ANKRD6: variants seen among roughly 807,000 people sequenced by gnomAD.
ANKRD6 encodes ankyrin repeat domain 6.
ANKRD6 carries 56 observed loss-of-function variants against 82.3 expected under a neutral mutation model. The ratio of observed to expected loss-of-function variants is 0.68; its 90% CI spans 0.55 to 0.85. The LOEUF (loss-of-function observed/expected upper bound fraction) is 0.85. ANKRD6 is among the 40% of genes least tolerant of loss of function. The pLI, the probability that ANKRD6 is intolerant of heterozygous loss-of-function variation, is 0.00. For missense variants in ANKRD6, 852 were observed against 907.6 expected (o/e 0.94, Z 0.79); for synonymous variants, 347 against 352.1 (o/e 0.99, Z 0.16).
intron 2 of ANKRD6, among the ~76,000 whole-genome samples, chr6:89,583,756 T>C (rs1381583605): frequency 6.6e-6 from 1 of 152,276 alleles, no homozygotes; most frequent in Non-Finnish European, 1.5e-5. Flanking sequence ...TCACTGCCTA[T>C]GCAGAATTGC....
At chr6:89,554,685 G>T (rs1786330402) in intron 1 of ANKRD6, among the ~76,000 whole-genome samples, 1 of 152,162 alleles carries the variant, frequency 6.6e-6, no homozygotes, top group South Asian at 2.1e-4. Context: ...GTGACAGGCT[G>T]TGTGGTTGCA....
At chr6:89,558,941 TAAATG>T (rs1399289760) in intron 1 of ANKRD6, among the ~76,000 whole-genome samples, 2 of 151,862 alleles carry the variant, frequency 1.3e-5, no homozygotes, top group Non-Finnish European at 2.9e-5. Flanking sequence ...ATAGAAGAAA[TAAATG>T]AAGGAGGAAA....
chr6:89,434,574 T>G (rs1770385730), intron 1 of ANKRD6, among the ~76,000 whole-genome samples: 2 of 152,136 alleles, frequency 1.3e-5, no homozygotes, highest in South Asian at 2.1e-4. Flanking sequence ...TCTTCCCACC[T>G]CAGCCTGGGA....
chr6:89,560,070 G>T (rs1787177482), intron 1 of ANKRD6, among the ~76,000 whole-genome samples: 2 of 152,138 alleles, frequency 1.3e-5, no homozygotes, highest in South Asian at 4.1e-4. Context: ...TGACCAAAAC[G>T]GGGTTCCTGC....
chr6:89,445,747 T>C (rs951401527), intron 1 of ANKRD6, among the ~76,000 whole-genome samples: 2 of 151,622 alleles, frequency 1.3e-5, no homozygotes, highest in Non-Finnish European at 2.9e-5. Flanking sequence ...CCTGGCTCAA[T>C]TTTTGTATTT....
rs546727821 is a variant in ANKRD6 at position 89,599,785 on chromosome 6, T to C, written c.220-3244T>C. ...TGGTTACTTGAGAAGGGTGGGTTTT[T>C]CAAAGCCTGAGAAAGCGTATTGCCC... On this transcript the variant is annotated intron_variant, in intron 3 of 15. Transcript: ENST00000339746. Among the ~76,000 whole-genome samples the C allele has an allele frequency of 3.7e-4, 57 of 152,306 alleles. No individual in the cohort carries two copies. The South Asian group carries it at 0.011, about 30-fold the overall frequency.
chr6:89,522,926 T>C (rs1782051307), intron 1 of ANKRD6, among the ~76,000 whole-genome samples: 2 of 152,110 alleles, frequency 1.3e-5, no homozygotes, highest in Admixed American at 1.3e-4. Flanking sequence ...TCAATCCTCC[T>C]GAGACCCAGC....
At chr6:89,584,104 C>T (rs186233525) in intron 2 of ANKRD6, among the ~76,000 whole-genome samples, 9 of 152,176 alleles carry the variant, frequency 5.9e-5, no homozygotes, top group South Asian at 2.1e-4. Flanking sequence ...CCACTCTAGA[C>T]GAGACATTAT....
At chr6:89,570,251 G>C (rs1284277512) in intron 2 of ANKRD6, among the ~76,000 whole-genome samples, 1 of 152,028 alleles carries the variant, frequency 6.6e-6, no homozygotes, top group African/African-American at 2.4e-5. Flanking sequence ...TGTTAAGACA[G>C]GGTCTCCCTA....
intron 1 of ANKRD6, among the ~76,000 whole-genome samples, chr6:89,441,620 CTTTTTTTTTTTT>C (rs71556522): frequency 7.5e-5 from 6 of 80,458 alleles, no homozygotes; most frequent in East Asian, 4.1e-4. Context: ...CTTTTCTTTC[CTTTTTTTTTTTT>C]TTTTTTTTTT....
intron 1 of ANKRD6, among the ~76,000 whole-genome samples, chr6:89,543,092 A>T (rs1784621944): frequency 6.6e-6 from 1 of 152,220 alleles, no homozygotes; most frequent in Admixed American, 6.5e-5. Flanking sequence ...GATAGGATTT[A>T]GGTTGCCAAA....
intron 2 of ANKRD6, among the ~76,000 whole-genome samples, chr6:89,580,393 G>T (rs1792235215): frequency 6.6e-6 from 1 of 152,106 alleles, no homozygotes; most frequent in Admixed American, 6.5e-5. Flanking sequence ...AAAGAGAAAT[G>T]CAAAGAGTTC....
intron 7 of ANKRD6, among the ~76,000 whole-genome samples, chr6:89,614,252 C>T (rs1800936215): frequency 6.6e-6 from 1 of 152,146 alleles, no homozygotes; most frequent in African/African-American, 2.4e-5. Flanking sequence ...TGGCTCACAT[C>T]CCAGTACTTT....
At position 89,606,018 on chromosome 6, in the gene ANKRD6, A is replaced by G. The variant is rs1798509968; in HGVS notation, c.330A>G (p.Thr110=). The change falls in exon 5 of 16, where the codon ACA becomes ACG. Residue 110 remains threonine (T), a synonymous_variant. Transcript: ENST00000339746. ...TGTGTCTTCCTTAGGATGGGAATACAGCCTTGCATGAAGCATCCTGGCATG... is the reference window on the plus strand; with the variant it reads ...TGTGTCTTCCTTAGGATGGGAATACGGCCTTGCATGAAGCATCCTGGCATG... ...ALDRQDKDGN[T]ALHEASWHGF... is the part of the protein sequence containing the mutation. The G allele has an allele frequency of 6.3e-7, 1 of 1,593,230 alleles. No individual in the cohort carries two copies. Among genetic ancestry groups the G allele is most frequent in the African/African-American group, 1.3e-5 (1 of 74,730 alleles).
At chr6:89,453,780 TTTTTATTTTA>T (rs140606922) in intron 1 of ANKRD6, among the ~76,000 whole-genome samples, 378 of 149,742 alleles carry the variant, frequency 2.5e-3, no homozygotes, top group African/African-American at 8.6e-3. Flanking sequence ...TTATTTAATA[TTTTTATTTTA>T]TTTTATTTTA....
At chr6:89,571,449 T>G (rs1204767026) in intron 2 of ANKRD6, among the ~76,000 whole-genome samples, 1 of 152,202 alleles carries the variant, frequency 6.6e-6, no homozygotes, top group East Asian at 1.9e-4. Flanking sequence ...TGTATCATCT[T>G]TGGAGAAATG....
At chr6:89,628,544 C>T (rs1372062508) in intron 14 of ANKRD6, among the ~76,000 whole-genome samples, 5 of 152,156 alleles carry the variant, frequency 3.3e-5, no homozygotes, top group Non-Finnish European at 4.4e-5. Flanking sequence ...CCTAGGTGGG[C>T]GGATCACGAG....
intron 2 of ANKRD6, among the ~76,000 whole-genome samples, chr6:89,573,681 T>C (rs946100739): frequency 6.6e-6 from 1 of 152,244 alleles, no homozygotes; most frequent in African/African-American, 2.4e-5. Flanking sequence ...TATTCTACCC[T>C]CTTGCTTACG....
chr6:89,611,265 G>A (rs1245290225), intron 5 of ANKRD6, among the ~76,000 whole-genome samples: 2 of 151,974 alleles, frequency 1.3e-5, no homozygotes, highest in African/African-American at 4.8e-5. Context: ...CCAGAAGGGT[G>A]TGAACTAGGT....
Sources: allele counts gnomAD v4.1 joint callset (sites outside exome capture counted in the v4.1 genomes callset), GRCh38; gene constraint gnomAD v4.1.1; transcripts MANE v1.5; gene names NCBI Gene and HGNC (gene_info 2026-07-23, HGNC 2026-07-21).